The following SCNN1G variants were observed in gnomAD, a reference collection of about 807,000 sequenced individuals.
SCNN1G encodes sodium channel epithelial 1 subunit gamma, also known as epithelial sodium channel subunit gamma.
SCNN1G carries 27 observed loss-of-function variants against 64.6 expected under a neutral mutation model. That is an observed-to-expected ratio of 0.42 (90% CI 0.31 to 0.58). SCNN1G has a LOEUF of 0.58. SCNN1G is among the 20% of genes least tolerant of loss of function. SCNN1G has a pLI of 0.18. For missense variants in SCNN1G, 743 were observed against 823.4 expected, an observed-to-expected ratio of 0.90 and a Z score of 1.19; for synonymous variants, 330 against 314.2, an observed-to-expected ratio of 1.05 and a Z score of -0.53.
chr16:23,184,008 C>A lies in SCNN1G; in HGVS notation c.-45+1195C>A, dbSNP rs185438191. Among the ~76,000 whole-genome samples, 83 of 152,310 alleles carry A rather than the reference C, an allele frequency of 5.4e-4. 1 individual carries two copies. The highest frequency in any genetic ancestry group is 1.4e-3 in the African/African-American group (58 of 41,554). On this transcript the variant is annotated intron_variant, in intron 1 of 12. Coordinates refer to ENST00000300061, the MANE Select transcript of SCNN1G (RefSeq NM_001039.4). Reference sequence around the variant, plus strand: ...TCGTGAAAATTAAATGAGGTGACAGCTGCAAAGTACTTAGAAGAGTAAGTG... The same window carrying A: ...TCGTGAAAATTAAATGAGGTGACAGATGCAAAGTACTTAGAAGAGTAAGTG...
At chr16:23,195,917 C>G (rs1388638724) in intron 5 of SCNN1G, 2 of 152,200 alleles carry the variant, frequency 1.3e-5, no homozygotes, top group Non-Finnish European at 2.9e-5. Flanking sequence ...ATTCACTCAT[C>G]CACTTACCAA....
Position 23,192,217 on chromosome 16 carries a change from C to T in SCNN1G, c.619-135C>T. The T allele has an allele frequency of 1.4e-5, 11 of 763,174 alleles. No homozygotes were observed. The South Asian group carries it at 1.6e-4, about 11-fold the overall frequency. The allele number at this position is 763,174 out of a possible 1,614,324, so 47.3% of individuals were successfully genotyped here. ...CCCAACCCCTAGAAGTGAGAGGAAA[C>T]CCATCCTTGCCCCAGATATCCAACC... On this transcript the variant is annotated intron_variant, in intron 3 of 12. Coordinates refer to ENST00000300061, the MANE Select transcript of SCNN1G (RefSeq NM_001039.4).
In SCNN1G at chr16:23,214,714, C is replaced by T. The variant is rs1960132053; in HGVS notation, c.1496C>T (p.Thr499Ile). 1 of 1,613,472 alleles carries T rather than the reference C, an allele frequency of 6.2e-7. No homozygotes were observed. The highest frequency in any genetic ancestry group is 1.3e-5 in the African/African-American group (1 of 74,898). The change falls in exon 12 of 13, where the codon ACA (threonine) becomes ATA (isoleucine). Residue 499 changes from threonine (T) to isoleucine (I), a missense_variant and splice_region_variant. Coordinates refer to ENST00000300061, the MANE Select transcript of SCNN1G (RefSeq NM_001039.4). ...GRQVNKKLNK[T>I]DLAKLLIFYK... Reference sequence around the variant, plus strand: ...ATTCACCTGTTGGAATTTTGCAGGACAGACTTGGCCAAACTCTTGATATTC... The same window carrying T: ...ATTCACCTGTTGGAATTTTGCAGGATAGACTTGGCCAAACTCTTGATATTC...
chr16:23,190,215 G>A (rs1959685207), intron 3 of SCNN1G, among the ~76,000 whole-genome samples: 1 of 151,874 alleles, frequency 6.6e-6, no homozygotes, highest in African/African-American at 2.4e-5. Flanking sequence ...AAACCTGCAT[G>A]TTCTGCACAT....
intron 2 of SCNN1G, among the ~76,000 whole-genome samples, chr16:23,188,085 G>A (rs1282767442): frequency 6.6e-6 from 1 of 151,808 alleles, no homozygotes; most frequent in Non-Finnish European, 1.5e-5. Context: ...AATTTACTCA[G>A]CATCTATAAA....
intron 6 of SCNN1G, among the ~76,000 whole-genome samples, chr16:23,199,907 G>A (rs1274082598): frequency 6.6e-6 from 1 of 151,936 alleles, no homozygotes; most frequent in Non-Finnish European, 1.5e-5. Flanking sequence ...TCCTGACCTT[G>A]TGATCCGCCC....
Position 23,215,331 on chromosome 16 carries a change from T to C in SCNN1G, c.1812T>C (p.Thr604=). 6.2e-7 allele frequency: 1 copy of C among 1,614,146 alleles called. No individual in the cohort carries two copies. The highest frequency in any genetic ancestry group is 8.5e-7 in the Non-Finnish European group (1 of 1,180,028). The stretch of plus-strand genomic sequence containing the variant: ...TGGATATAGACGATGACCTACCCAC[T>C]TTCAACTCTGCTTTGCACCTGCCTC... ...PALDIDDDLP[T]FNSALHLPPA... is the part of the protein sequence containing the mutation. The change falls in exon 13 of 13, where the codon ACT becomes ACC. Residue 604 remains threonine (T), a synonymous_variant. Transcript: ENST00000300061.
At chr16:23,190,595 A>G (rs1959691225) in intron 3 of SCNN1G, among the ~76,000 whole-genome samples, 1 of 152,184 alleles carries the variant, frequency 6.6e-6, no homozygotes, top group Non-Finnish European at 1.5e-5. Context: ...CTGGTTGGTC[A>G]AGCTTGGGTC....
In SCNN1G at chr16:23,215,404, A is replaced by G. The variant is rs1348067376; in HGVS notation, c.1885A>G (p.Thr629Ala). 6.2e-7 allele frequency: 1 copy of G among 1,613,832 alleles called. No individual in the cohort carries two copies. Reference protein sequence around the residue: ...VPGTPPPKYNTLRLERAFSNQ... With the variant: ...VPGTPPPKYNALRLERAFSNQ... ...CGGCACACCGCCCCCCAAATACAAT[A>G]CCTTGCGCTTGGAGAGGGCCTTTTC... is the stretch of plus-strand genomic sequence containing the variant. Residue 629 changes from threonine to alanine, a missense_variant, in exon 13 of 13, where the codon ACC becomes GCC. Transcript: ENST00000300061.
intron 6 of SCNN1G, among the ~76,000 whole-genome samples, chr16:23,205,964 G>A (rs1959983665): frequency 2.0e-5 from 3 of 152,168 alleles, no homozygotes; most frequent in Non-Finnish European, 2.9e-5. Context: ...GGGGGAGGAA[G>A]TCCTTTTTAC....
chr16:23,208,485 C>T (rs1263204871), intron 6 of SCNN1G, among the ~76,000 whole-genome samples: 1 of 152,104 alleles, frequency 6.6e-6, no homozygotes, highest in Non-Finnish European at 1.5e-5. Context: ...AAGTCAACAT[C>T]CTTCAAGTCA....
At position 23,215,975 on chromosome 16, in the gene SCNN1G, GTTC is replaced by G. The variant is rs1960153998; in HGVS notation, c.*510_*512del. Reference sequence around the variant, plus strand: ...AGCTGGAGCCGTTTGTGAATAAACTGTTCTTCATCATTGACACTGGAGAAAGGT... The same window carrying G: ...AGCTGGAGCCGTTTGTGAATAAACTGTTCATCATTGACACTGGAGAAAGGT... On this transcript the variant is annotated 3_prime_UTR_variant, in exon 13 of 13. Coordinates refer to ENST00000300061, the MANE Select transcript of SCNN1G (RefSeq NM_001039.4). 2 of 208,184 alleles carry G rather than the reference GTTC, an allele frequency of 9.6e-6. No homozygotes were observed. The highest frequency in any genetic ancestry group is 1.2e-4 in the East Asian group (1 of 8,296). The allele number at this position is 208,184 out of a possible 1,614,324, so 12.9% of individuals were successfully genotyped here. A position where few individuals can be genotyped will look rare whatever the true frequency, so the allele number is the denominator to read the frequency against.
At chr16:23,194,697 C>G (rs1240269586) in intron 5 of SCNN1G, among the ~76,000 whole-genome samples, 1 of 152,142 alleles carries the variant, frequency 6.6e-6, no homozygotes, top group African/African-American at 2.4e-5. Flanking sequence ...CCCAGCTTGG[C>G]CACTCACTGT....
chr16:23,211,102 T>C (rs946526302), intron 7 of SCNN1G, among the ~76,000 whole-genome samples: 1 of 152,170 alleles, frequency 6.6e-6, no homozygotes, highest in Non-Finnish European at 1.5e-5. Flanking sequence ...AGAACTACCA[T>C]GCACACACAC....
Position 23,192,520 on chromosome 16 carries a change from G to T in SCNN1G, c.787G>T (p.Asp263Tyr), listed in dbSNP as rs1322388304. ...AEELLVTCFFDGVSCDARNFT... is the reference protein window; with the variant it reads ...AEELLVTCFFYGVSCDARNFT... ...GGAGCTGCTGGTGACCTGCTTCTTT[G>T]ATGGAGTGTCCTGTGATGCCAGGTC... is the stretch of plus-strand genomic sequence containing the variant. Residue 263 changes from aspartate to tyrosine, a missense_variant, in exon 4 of 13, where the codon GAT becomes TAT. Asp to Tyr is a radical substitution (Grantham distance 160). Transcript: ENST00000300061. 4 of 1,612,350 alleles carry T rather than the reference G, an allele frequency of 2.5e-6. No homozygotes were observed. The highest frequency in any genetic ancestry group is 1.7e-5 in the Admixed American group (1 of 59,994).
At chr16:23,206,819 G>A (rs1030198503) in intron 6 of SCNN1G, among the ~76,000 whole-genome samples, 13 of 152,116 alleles carry the variant, frequency 8.5e-5, no homozygotes, top group Middle Eastern at 3.4e-3. Context: ...ACTTTTACAT[G>A]CATAAGTGTA....
At position 23,215,214 on chromosome 16, in the gene SCNN1G, G is replaced by A. The variant is rs1162336315; in HGVS notation, c.1695G>A (p.Gln565=). 6 of 1,614,056 alleles carry A rather than the reference G, an allele frequency of 3.7e-6. No homozygotes were observed. The highest frequency in any genetic ancestry group is 5.1e-6 in the Non-Finnish European group (6 of 1,180,040). ...IDFFSIIARR[Q]WQKAKEWWAW... ...TCTTCTCTATCATTGCCCGCCGCCAGTGGCAGAAAGCCAAGGAGTGGTGGG... is the reference window on the plus strand; with the variant it reads ...TCTTCTCTATCATTGCCCGCCGCCAATGGCAGAAAGCCAAGGAGTGGTGGG... The change falls in exon 13 of 13, where the codon CAG becomes CAA. Residue 565 remains glutamine (Q), a synonymous_variant. Transcript: ENST00000300061.
At position 23,186,538 on chromosome 16, in the gene SCNN1G, C is replaced by A. The variant is rs1261717903; in HGVS notation, c.267C>A (p.Phe89Leu). The change falls in exon 2 of 13, where the codon TTC becomes TTA. Residue 89 changes from phenylalanine to leucine, a missense_variant. By Grantham distance (22) the Phe-to-Leu change is conservative. Coordinates refer to ENST00000300061, the MANE Select transcript of SCNN1G (RefSeq NM_001039.4). The stretch of plus-strand genomic sequence containing the variant: ...TCTCAGTTTCCATCAAAGTCCACTT[C>A]CGGAAGCTGGATTTTCCTGCAGTCA... ...YTVSVSIKVH[F>L]RKLDFPAVTI... The A allele has an allele frequency of 6.2e-7, 1 of 1,613,844 alleles. No individual in the cohort carries two copies. Among genetic ancestry groups the A allele is most frequent in the Non-Finnish European group, 8.5e-7 (1 of 1,180,036 alleles).
At chr16:23,186,776 C>G (rs1959614318) in intron 2 of SCNN1G, among the ~76,000 whole-genome samples, 188 bp downstream of exon 2, 1 of 152,154 alleles carries the variant, frequency 6.6e-6, no homozygotes, top group Non-Finnish European at 1.5e-5. Context: ...CTGTATGTAC[C>G]AAGTTTTCAG....
Sources: gnomAD v4.1 joint callset for allele counts (sites outside exome capture counted in the v4.1 genomes callset) on GRCh38, gnomAD v4.1.1 for gene constraint, MANE v1.5 for transcripts, NCBI Gene and HGNC (gene_info 2026-07-23, HGNC 2026-07-21) for gene names.